XKR9: variants seen among roughly 807,000 people sequenced by gnomAD.
XKR9 encodes XK related 9.
Under a neutral mutation model 32.0 loss-of-function variants are expected in XKR9, and 32 were observed. The observed-to-expected ratio is 1.00, with a 90% CI of 0.76 to 1.34. XKR9 has a LOEUF of 1.34. XKR9 is among the 40% of genes most tolerant of loss of function. XKR9 has a pLI of 0.00. For missense variants in XKR9, 546 were observed against 429.7 expected (o/e 1.27, Z -2.39); for synonymous variants, 168 against 143.4 (o/e 1.17, Z -1.22).
At chr8:70,830,721 A>G in the XKR9 span, among the ~76,000 whole-genome samples, 1 of 152,340 alleles carries the variant, frequency 6.6e-6, no homozygotes, top group East Asian at 1.9e-4. Flanking sequence ...ATAGTTTACA[A>G]AACACTTCTA....
At chr8:70,938,687 T>G in the XKR9 span, among the ~76,000 whole-genome samples, 1 of 152,040 alleles carries the variant, frequency 6.6e-6, no homozygotes, top group Non-Finnish European at 1.5e-5. Flanking sequence ...ATATGACTAA[T>G]TTTTCGCTGG....
chr8:70,736,205 T>A (rs1011515713), downstream of XKR9, among the ~76,000 whole-genome samples: 1 of 152,234 alleles, frequency 6.6e-6, no homozygotes, highest in African/African-American at 2.4e-5. Context: ...TGCATTTCTC[T>A]GATGGCCAGT....
At chr8:70,969,313 A>G in the XKR9 span, among the ~76,000 whole-genome samples, 2 of 152,212 alleles carry the variant, frequency 1.3e-5, no homozygotes, top group African/African-American at 4.8e-5. Flanking sequence ...AGCAAAATTA[A>G]AACTATGTAA....
chr8:70,742,999 T>C (rs1056231572), intron 2 of XKR9, among the ~76,000 whole-genome samples: 1 of 152,116 alleles, frequency 6.6e-6, no homozygotes, highest in Non-Finnish European at 1.5e-5. Flanking sequence ...ATTATTATTC[T>C]CATGGTTTTT....
the XKR9 span, among the ~76,000 whole-genome samples, chr8:71,049,972 T>C: frequency 6.6e-6 from 1 of 151,918 alleles, no homozygotes; most frequent in Admixed American, 6.6e-5. Context: ...AAATGAGAAA[T>C]AAATGAAAAC....
chr8:70,730,728 G>A (rs576998967), intron 4 of XKR9, among the ~76,000 whole-genome samples: 98 of 152,192 alleles, frequency 6.4e-4, no homozygotes, highest in Middle Eastern at 6.8e-3. Flanking sequence ...AAATTATTCC[G>A]GAAGCCAAGA....
chr8:70,781,632 A>C (rs894268670), intron 2 of XKR9, among the ~76,000 whole-genome samples: 2 of 150,514 alleles, frequency 1.3e-5, no homozygotes, highest in African/African-American at 2.4e-5. Flanking sequence ...TAGCCATTCT[A>C]ACTGGGGTGA....
chr8:70,863,739 C>G, the XKR9 span, among the ~76,000 whole-genome samples: 1 of 152,126 alleles, frequency 6.6e-6, no homozygotes, highest in Admixed American at 6.6e-5. Context: ...ACCAGGGTGA[C>G]AGCAGTGGAG....
Position 70,735,354 on chromosome 8 carries a change from C to T in XKR9, c.*930C>T, listed in dbSNP as rs1273534896. The T allele has an allele frequency of 1.3e-5, 2 of 151,846 alleles. No individual in the cohort carries two copies. The highest frequency in any genetic ancestry group is 4.8e-5 in the African/African-American group (2 of 41,370). 9.4% of individuals were successfully genotyped at this position (151,846 alleles called of 1,614,324 possible). ...TTGTTGCCATGGTTTGAATGTGCCC[C>T]CCAGATTTCATGTGTGTGAAACTTA... is the stretch of plus-strand genomic sequence containing the variant. On this transcript the variant is annotated 3_prime_UTR_variant, in exon 5 of 5. Coordinates refer to ENST00000408926, the MANE Select transcript of XKR9 (RefSeq NM_001011720.2).
the XKR9 span, among the ~76,000 whole-genome samples, chr8:70,912,505 G>A: frequency 6.6e-6 from 1 of 152,136 alleles, no homozygotes; most frequent in African/African-American, 2.4e-5. Flanking sequence ...ATGGTTAACT[G>A]GGTATAGCAA....
the XKR9 span, among the ~76,000 whole-genome samples, chr8:70,904,505 TA>T: frequency 2.0e-4 from 31 of 152,330 alleles, no homozygotes; most frequent in African/African-American, 7.2e-4. Flanking sequence ...ATTTTGAGCC[TA>T]TTTGTATCTC....
At chr8:70,899,295 A>G in the XKR9 span, among the ~76,000 whole-genome samples, 1 of 152,032 alleles carries the variant, frequency 6.6e-6, no homozygotes, top group Admixed American at 6.6e-5. Flanking sequence ...GAATTTTTTC[A>G]AGGATTTATT....
chr8:70,941,241 T>TG, the XKR9 span, among the ~76,000 whole-genome samples: 1 of 151,994 alleles, frequency 6.6e-6, no homozygotes, highest in Non-Finnish European at 1.5e-5. Context: ...CTTTTGTGTC[T>TG]GGGTTCTTTC....
intron 2 of XKR9, among the ~76,000 whole-genome samples, chr8:70,768,502 CTAA>C (rs1807408758): frequency 6.6e-6 from 1 of 152,086 alleles, no homozygotes; most frequent in African/African-American, 2.4e-5. Context: ...ATTGATCTGT[CTAA>C]TATTGACAGT....
intron 3 of XKR9, among the ~76,000 whole-genome samples, chr8:70,691,173 C>G (rs566061034): frequency 6.6e-6 from 1 of 152,158 alleles, no homozygotes. Flanking sequence ...TGGTATTGAG[C>G]TTTTGCCATA....
chr8:70,974,606 T>G, the XKR9 span, among the ~76,000 whole-genome samples: 1 of 152,200 alleles, frequency 6.6e-6, no homozygotes, highest in Non-Finnish European at 1.5e-5. Context: ...TATTCCATGG[T>G]GTATATGTGC....
chr8:70,707,076 C>A lies in XKR9; in HGVS notation c.416C>A (p.Thr139Asn). ...TTGAGCATGCTCAGACTATTTGAGA[C>A]CTACCTGGAAGGCTGCCCACAACTT... ...TDLSMLRLFE[T>N]YLEGCPQLIL... The change falls in exon 4 of 5, where the codon ACC (threonine) becomes AAC (asparagine). Residue 139 changes from threonine (T) to asparagine (N), a missense_variant. Coordinates refer to ENST00000408926, the MANE Select transcript of XKR9 (RefSeq NM_001011720.2). 1 of 1,613,370 alleles carries A rather than the reference C, an allele frequency of 6.2e-7. No homozygotes were observed. The highest frequency in any genetic ancestry group is 8.5e-7 in the Non-Finnish European group (1 of 1,179,504).
the XKR9 span, among the ~76,000 whole-genome samples, chr8:71,058,549 T>C: frequency 5.9e-5 from 9 of 152,250 alleles, no homozygotes; most frequent in African/African-American, 1.9e-4. Context: ...AGCAATAAGA[T>C]TGACTAAGAA....
chr8:70,801,551 T>A, the XKR9 span, among the ~76,000 whole-genome samples: 1 of 152,220 alleles, frequency 6.6e-6, no homozygotes, highest in South Asian at 2.1e-4. Context: ...TTTCTTTTTT[T>A]AAAATTTGCT....
Sources: gnomAD v4.1 joint callset for allele counts (sites outside exome capture counted in the v4.1 genomes callset) on GRCh38, gnomAD v4.1.1 for gene constraint, MANE v1.5 for transcripts, NCBI Gene and HGNC (gene_info 2026-07-23, HGNC 2026-07-21) for gene names.